The following PPEF2 variants were observed in gnomAD, a reference collection of about 807,000 sequenced individuals.
PPEF2 encodes serine/threonine-protein phosphatase with EF-hands 2.
Under a neutral mutation model 84.7 loss-of-function variants are expected in PPEF2, and 84 were observed. The observed-to-expected ratio is 0.99, with a 90% confidence interval of 0.83 to 1.19. The LOEUF (loss-of-function observed/expected upper bound fraction) is 1.19, where lower values mean the gene tolerates loss of function less well. Ranked by LOEUF, PPEF2 falls within the 50% of genes most tolerant of loss-of-function variation. The pLI is 0.00. For synonymous variants in PPEF2, 346 were observed against 345.2 expected (o/e 1.00, Z -0.03); for missense variants, 924 against 937.5 (o/e 0.99, Z 0.19).
intron 2 of PPEF2, among the ~76,000 whole-genome samples, chr4:75,895,079 TGA>T (rs920869136): frequency 2.0e-5 from 3 of 151,898 alleles, no homozygotes; most frequent in African/African-American, 7.3e-5. Flanking sequence ...CTCAGGCTCC[TGA>T]GTGTCTAGGA....
rs1724756768 is a variant in PPEF2 at position 75,887,446 on chromosome 4, C to T, written c.533-548G>A. 2.6e-5 allele frequency among the ~76,000 whole-genome samples: 4 copies of T among 151,984 alleles called. 1 individual carries two copies. In the South Asian group the frequency reaches 6.2e-4, roughly 24 times the overall value. ...ACCATCCCGCCTAACACGGTGAAAC[C>T]CCATCTCTACTAAAAATACAAAAAA... On this transcript the variant is annotated intron_variant, in intron 6 of 16. Coordinates refer to ENST00000286719, the MANE Select transcript of PPEF2 (RefSeq NM_006239.3).
Position 75,876,453 on chromosome 4 carries a change from T to A in PPEF2, c.1154A>T (p.Glu385Val). ...GGAGCTCCGCACCTGCCGGGAGAGC[T>A]CCCGCCCGTCCAGGGAACCGCTGCA... ...IPCSGSLDGR[E>V]LSRQVRSSVE... The change falls in exon 11 of 17, where the codon GAG becomes GTG. Residue 385 changes from glutamate to valine, a missense_variant. Transcript: ENST00000286719. 6.2e-7 allele frequency: 1 copy of A among 1,613,962 alleles called. No homozygotes were observed. The highest frequency in any genetic ancestry group is 8.5e-7 in the Non-Finnish European group (1 of 1,179,942).
chr4:75,872,579 AGATGGTGTATG>A (rs1724307802), intron 12 of PPEF2, among the ~76,000 whole-genome samples: 1 of 152,194 alleles, frequency 6.6e-6, no homozygotes. Context: ...GTGGCTCCTC[AGATGGTGTATG>A]AAAAAAGTTT....
At chr4:75,882,900 A>G in intron 10 of PPEF2, 26 bp downstream of exon 10, 2 of 1,594,194 alleles carry the variant, frequency 1.3e-6, no homozygotes, top group Non-Finnish European at 1.7e-6. Flanking sequence ...TTATGGTGAA[A>G]TTTGTATTAT....
At chr4:75,888,165 C>T (rs1553908695) in intron 6 of PPEF2, 49 bp downstream of exon 6, 12 of 1,361,042 alleles carry the variant, frequency 8.8e-6, no homozygotes, top group East Asian at 2.3e-5. Flanking sequence ...ACAGGTAGAG[C>T]ATTCTTCTTT....
intron 8 of PPEF2, among the ~76,000 whole-genome samples, chr4:75,883,733 G>A (rs560395673): frequency 9.4e-4 from 141 of 150,086 alleles, no homozygotes; most frequent in Non-Finnish European, 1.7e-3. Flanking sequence ...CAGGAGAATG[G>A]TGTGAACCCA....
intron 7 of PPEF2, among the ~76,000 whole-genome samples, chr4:75,885,793 G>A (rs1165568116): frequency 6.6e-6 from 1 of 152,096 alleles, no homozygotes; most frequent in African/African-American, 2.4e-5. Context: ...GGTGGATCAT[G>A]AGGTCAGGAG....
Position 75,867,399 on chromosome 4 carries a change from G to A in PPEF2, c.1670C>T (p.Ser557Leu), listed in dbSNP as rs767385175. 1.4e-5 allele frequency: 23 copies of A among 1,613,392 alleles called. No homozygotes were observed. The highest frequency in any genetic ancestry group is 8.8e-5 in the South Asian group (8 of 90,996). Residue 557 changes from serine to leucine, a missense_variant, in exon 14 of 17, where the codon TCG becomes TTG. Ser to Leu is a moderately radical substitution (Grantham distance 145). Transcript: ENST00000286719. ...CTTCTCCCTCAGAGCTCTCAGAGCCGACTCCTCCACTCTGCTAATCCTGGG... is the reference window on the plus strand; with the variant it reads ...CTTCTCCCTCAGAGCTCTCAGAGCCAACTCCTCCACTCTGCTAATCCTGGG... ...MRQRISRVEE[S>L]ALRALREKLF...
At chr4:75,883,564 G>C in intron 8 of PPEF2, 1 of 203,822 alleles carries the variant, frequency 4.9e-6, no homozygotes, top group South Asian at 8.6e-5. Context: ...CACGCCTGTA[G>C]TCCCAGCACT....
intron 6 of PPEF2, 65 bp downstream of exon 6, chr4:75,888,148 TC>T: frequency 7.9e-7 from 1 of 1,264,308 alleles, no homozygotes; most frequent in Non-Finnish European, 1.2e-6. Context: ...TCCTCTTGCA[TC>T]CCCACACAGG....
At chr4:75,889,860 A>G in intron 5 of PPEF2, 97 bp downstream of exon 5, 1 of 1,358,256 alleles carries the variant, frequency 7.4e-7, no homozygotes, top group Non-Finnish European at 1.0e-6. Context: ...TGACATGAAC[A>G]CCCTAAATCT....
At chr4:75,895,839 G>T (rs115458344) in intron 2 of PPEF2, among the ~76,000 whole-genome samples, 2,921 of 151,904 alleles carry the variant, frequency 0.019, 84 homozygotes, top group African/African-American at 0.065. Context: ...GCCTTCTAAA[G>T]TGCTGGGATT....
chr4:75,861,951 G>A lies in PPEF2; in HGVS notation c.2009-1031C>T, dbSNP rs147366659. On this transcript the variant is annotated intron_variant, in intron 16 of 16. Transcript: ENST00000286719. ...GCTAAAAAAAGCTATAACACCAAAA[G>A]CATAAACAACAAAAAAAAAAATAAA... 5.9e-4 allele frequency among the ~76,000 whole-genome samples: 89 copies of A among 150,208 alleles called. 1 individual carries two copies. The East Asian group carries it at 0.012, about 20-fold the overall frequency.
rs989980732 is a variant in PPEF2, at chr4:75,860,525, A to G, written c.*142T>C. 11 of 1,104,600 alleles carry G rather than the reference A, an allele frequency of 1.0e-5. No homozygotes were observed. The highest frequency in any genetic ancestry group is 1.4e-5 in the Non-Finnish European group (11 of 784,106). The allele number at this position is 1,104,600 out of a possible 1,614,324, so 68.4% of individuals were successfully genotyped here. A position where few individuals can be genotyped will look rare whatever the true frequency, so the allele number is the denominator to read the frequency against. On this transcript the variant is annotated 3_prime_UTR_variant, in exon 17 of 17. Coordinates refer to ENST00000286719, the MANE Select transcript of PPEF2 (RefSeq NM_006239.3). ...ACAACACCCCAACCCACCCCTCCACACTGAAATACACAGGTGATTCTGATG... is the reference window on the plus strand; with the variant it reads ...ACAACACCCCAACCCACCCCTCCACGCTGAAATACACAGGTGATTCTGATG...
intron 2 of PPEF2, 133 bp downstream of exon 2, chr4:75,896,138 G>A: frequency 1.1e-6 from 1 of 920,726 alleles, no homozygotes; most frequent in Non-Finnish European, 1.8e-6. Context: ...AGGAGGAGAA[G>A]CTGACCTCTA....
At chr4:75,867,159 A>G (rs1269011246) in intron 14 of PPEF2, among the ~76,000 whole-genome samples, 154 bp downstream of exon 14, 1 of 152,206 alleles carries the variant, frequency 6.6e-6, no homozygotes, top group African/African-American at 2.4e-5. Context: ...GTTAGAATAA[A>G]TGAGACATTA....
intron 6 of PPEF2, among the ~76,000 whole-genome samples, chr4:75,887,438 G>A (rs756624119): frequency 6.6e-6 from 1 of 152,052 alleles, no homozygotes; most frequent in Non-Finnish European, 1.5e-5. Flanking sequence ...CGCCTAACAC[G>A]GTGAAACCCC....
intron 2 of PPEF2, among the ~76,000 whole-genome samples, chr4:75,893,215 A>T (rs2149228719): frequency 6.6e-6 from 1 of 152,310 alleles, no homozygotes; most frequent in Non-Finnish European, 1.5e-5. Context: ...ATAGTGAATG[A>T]GGCTGGGCGT....
intron 10 of PPEF2, chr4:75,882,000 T>G (rs1724585832): frequency 6.6e-6 from 1 of 152,140 alleles, no homozygotes; most frequent in South Asian, 2.1e-4. Context: ...GTGGGATGAG[T>G]CAAGTTTAAG....
Sources: allele counts gnomAD v4.1 joint callset (sites outside exome capture counted in the v4.1 genomes callset), GRCh38; gene constraint gnomAD v4.1.1; transcripts MANE v1.5; gene names NCBI Gene and HGNC (gene_info 2026-07-23, HGNC 2026-07-21).